Variants in GPR158 observed in about 807,000 individuals in gnomAD.
The protein encoded by GPR158 is metabotropic glycine receptor.
A neutral mutation model predicts 78.2 loss-of-function variants in GPR158; 30 were observed. That is an observed-to-expected ratio of 0.38 (90% CI 0.29 to 0.52). The LOEUF (loss-of-function observed/expected upper bound fraction) is 0.52, where lower values mean the gene tolerates loss of function less well. Ranked by LOEUF, GPR158 falls within the 20% of genes least tolerant of loss-of-function variation. The pLI is 0.83. For synonymous variants in GPR158, 581 were observed against 591.1 expected (o/e 0.98, Z 0.25); for missense variants, 1,463 against 1,523.5 (o/e 0.96, Z 0.66).
chr10:25,200,897 G>A (rs1364960752), intron 1 of GPR158, among the ~76,000 whole-genome samples: 1 of 121,866 alleles, frequency 8.2e-6, no homozygotes, highest in Non-Finnish European at 1.7e-5. Context: ...TCAGTACCAT[G>A]CTGTTTTGGT....
At chr10:25,216,661 TATG>T (rs1426819070) in intron 1 of GPR158, among the ~76,000 whole-genome samples, 9 of 152,198 alleles carry the variant, frequency 5.9e-5, no homozygotes, top group Middle Eastern at 3.2e-3. Flanking sequence ...TGCTAATTGA[TATG>T]AAGAAGGTAA....
intron 6 of GPR158, among the ~76,000 whole-genome samples, chr10:25,559,882 T>A (rs1472794029): frequency 1.3e-5 from 2 of 152,200 alleles, no homozygotes; most frequent in Non-Finnish European, 2.9e-5. Context: ...AATATGTAAC[T>A]CTTCTGATCT....
At position 25,241,411 on chromosome 10, in the gene GPR158, CTT is replaced by C. The variant is rs1491125054; in HGVS notation, c.1008+20257_1008+20258del. ...CTTCTCTTCTCTTCTCTTCTCTTCT[CTT>C]TTCTTTTCTTTTCTTTTCTTTTCTT... On this transcript the variant is annotated intron_variant, in intron 2 of 10. Transcript: ENST00000376351. 3.1e-3 allele frequency among the ~76,000 whole-genome samples: 421 copies of C among 134,120 alleles called. 6 individuals carry two copies. Among genetic ancestry groups the C allele is most frequent in the African/African-American group, 0.011 (363 of 31,602 alleles). The allele number at this position is 134,120 out of a possible 152,430, so 88.0% of individuals were successfully genotyped here.
intron 7 of GPR158, among the ~76,000 whole-genome samples, chr10:25,581,647 G>T (rs531696503): frequency 6.6e-6 from 1 of 152,148 alleles, no homozygotes; most frequent in Non-Finnish European, 1.5e-5. Context: ...AGCAGTCTTC[G>T]TGGTAGCCTG....
intron 1 of GPR158, among the ~76,000 whole-genome samples, chr10:25,193,862 GA>G (rs1852808312): frequency 7.3e-6 from 1 of 137,640 alleles, no homozygotes; most frequent in African/African-American, 2.8e-5. Flanking sequence ...TGAATAAACT[GA>G]AATATTTGAA....
At chr10:25,529,173 G>T (rs560133733) in intron 5 of GPR158, among the ~76,000 whole-genome samples, 1 of 152,142 alleles carries the variant, frequency 6.6e-6, no homozygotes, top group South Asian at 2.1e-4. Context: ...CGGATCACGA[G>T]GTCAGGAGAT....
At chr10:25,476,931 T>G (rs972932810) in intron 5 of GPR158, among the ~76,000 whole-genome samples, 1 of 152,140 alleles carries the variant, frequency 6.6e-6, no homozygotes, top group Non-Finnish European at 1.5e-5. Flanking sequence ...GGAGCTTGGA[T>G]GGACCATGTT....
chr10:25,271,787 G>A (rs186597138), intron 2 of GPR158, among the ~76,000 whole-genome samples: 26 of 151,044 alleles, frequency 1.7e-4, no homozygotes, highest in African/African-American at 2.2e-4. Flanking sequence ...TCAGTCTCCC[G>A]TGTATCACGC....
At chr10:25,499,385 G>A (rs1344150364) in intron 5 of GPR158, among the ~76,000 whole-genome samples, 1 of 152,198 alleles carries the variant, frequency 6.6e-6, no homozygotes, top group Non-Finnish European at 1.5e-5. Flanking sequence ...AAGAGCGGGT[G>A]CTGGGATGCC....
At chr10:25,547,290 A>T (rs762009873) in intron 5 of GPR158, among the ~76,000 whole-genome samples, 29 of 152,132 alleles carry the variant, frequency 1.9e-4, no homozygotes, top group Non-Finnish European at 3.8e-4. Flanking sequence ...GAGAGCTTTA[A>T]TGCCATGTAT....
At chr10:25,354,609 T>A (rs2130524214) in intron 2 of GPR158, among the ~76,000 whole-genome samples, 1 of 152,232 alleles carries the variant, frequency 6.6e-6, no homozygotes, top group East Asian at 1.9e-4. Context: ...ACAATTCCAG[T>A]GTTAGAGTAT....
At chr10:25,348,061 C>G (rs946892680) in intron 2 of GPR158, among the ~76,000 whole-genome samples, 1 of 151,900 alleles carries the variant, frequency 6.6e-6, no homozygotes, top group African/African-American at 2.4e-5. Flanking sequence ...CATTTCTGAG[C>G]TATCACATAG....
At chr10:25,488,468 A>C (rs1044213297) in intron 5 of GPR158, among the ~76,000 whole-genome samples, 1 of 152,138 alleles carries the variant, frequency 6.6e-6, no homozygotes, top group Admixed American at 6.6e-5. Flanking sequence ...GTATTTCTAC[A>C]TTTTCACAAT....
At chr10:25,362,276 G>T (rs1427929930) in intron 2 of GPR158, among the ~76,000 whole-genome samples, 1 of 151,864 alleles carries the variant, frequency 6.6e-6, no homozygotes, top group Non-Finnish European at 1.5e-5. Flanking sequence ...TTACATGAGG[G>T]TTTATTTCTG....
At chr10:25,366,712 T>C (rs1056277101) in intron 2 of GPR158, among the ~76,000 whole-genome samples, 6 of 151,674 alleles carry the variant, frequency 4.0e-5, no homozygotes, top group Admixed American at 4.0e-4. Flanking sequence ...TTGACCAGAA[T>C]CTCTCCAATT....
At chr10:25,328,321 G>A (rs1335617911) in intron 2 of GPR158, among the ~76,000 whole-genome samples, 1 of 152,096 alleles carries the variant, frequency 6.6e-6, no homozygotes, top group Non-Finnish European at 1.5e-5. Flanking sequence ...GAAGCCTATT[G>A]ATAAACTTTA....
At chr10:25,214,107 G>A (rs935059369) in intron 1 of GPR158, among the ~76,000 whole-genome samples, 1 of 151,910 alleles carries the variant, frequency 6.6e-6, no homozygotes, top group African/African-American at 2.4e-5. Context: ...CCATTCTCCT[G>A]CCTCAGCTTC....
intron 4 of GPR158, among the ~76,000 whole-genome samples, chr10:25,450,595 A>G (rs1835203099): frequency 6.6e-6 from 1 of 151,978 alleles, no homozygotes; most frequent in Admixed American, 6.6e-5. Context: ...CAATTTAGAG[A>G]TCTCTACTCT....
intron 5 of GPR158, among the ~76,000 whole-genome samples, chr10:25,485,967 G>A (rs1835729596): frequency 6.6e-6 from 1 of 152,124 alleles, no homozygotes; most frequent in African/African-American, 2.4e-5. Context: ...AAAGAGGCCT[G>A]AAAGAGACTC....
Sources: allele counts gnomAD v4.1 joint callset (sites outside exome capture counted in the v4.1 genomes callset), GRCh38; gene constraint gnomAD v4.1.1; transcripts MANE v1.5; gene names NCBI Gene and HGNC (gene_info 2026-07-23, HGNC 2026-07-21).